The following IPPK variants were observed in gnomAD, a reference collection of about 807,000 sequenced individuals.
IPPK encodes the protein inositol-pentakisphosphate 2-kinase, also known as IPK1 homolog.
Under a neutral mutation model 64.6 loss-of-function variants are expected in IPPK, and 22 were observed. The observed-to-expected ratio is 0.34, with a 90% CI of 0.24 to 0.49. The LOEUF is 0.49. Among genes scored for constraint, IPPK ranks in the 20% least tolerant of loss-of-function variants. The probability of loss-of-function intolerance (pLI) is 0.99; values close to 1 mark genes in which losing one functional copy is unlikely to be tolerated. For missense variants in IPPK, 532 were observed against 630.7 expected, an observed-to-expected ratio of 0.84 and a Z score of 1.68; for synonymous variants, 262 against 247.2, an observed-to-expected ratio of 1.06 and a Z score of -0.56.
chr9:92,647,512 CA>C (rs1380356562), intron 6 of IPPK, among the ~76,000 whole-genome samples: 1 of 152,114 alleles, frequency 6.6e-6, no homozygotes, highest in Non-Finnish European at 1.5e-5. Context: ...AAAAAACTAG[CA>C]AACTGAATTC....
chr9:92,670,090 G>A lies in IPPK; in HGVS notation c.-102C>T, dbSNP rs1852699282. 2.6e-6 allele frequency: 2 copies of A among 755,380 alleles called. No homozygotes were observed. The highest frequency in any genetic ancestry group is 2.0e-5 in the South Asian group (1 of 49,730). The allele number at this position is 755,380 out of a possible 1,614,324, so 46.8% of individuals were successfully genotyped here. On this transcript the variant is annotated 5_prime_UTR_variant, in exon 1 of 13. Transcript: ENST00000287996. Reference sequence around the variant, plus strand: ...CAGCCGCTGCGGTCGGGGGAGGAGCGCCTGTCAGCTGCCGCCCCCGCTCGA... The same window carrying A: ...CAGCCGCTGCGGTCGGGGGAGGAGCACCTGTCAGCTGCCGCCCCCGCTCGA...
intron 5 of IPPK, 64 bp downstream of exon 5, chr9:92,649,389 T>C: frequency 6.2e-7 from 1 of 1,600,940 alleles, no homozygotes; most frequent in Non-Finnish European, 8.5e-7. Context: ...ACGTGACTCT[T>C]GGACTTACTA....
chr9:92,640,518 A>T (rs1852026308), intron 8 of IPPK, among the ~76,000 whole-genome samples, 192 bp downstream of exon 8: 1 of 152,150 alleles, frequency 6.6e-6, no homozygotes, highest in Non-Finnish European at 1.5e-5. Context: ...GTGCTCAGAA[A>T]AAGGTCAGGG....
rs892340981 is a variant in IPPK, at chr9:92,642,829, G to A, written c.505-19C>T. On this transcript the variant is annotated intron_variant, in intron 6 of 12. Coordinates refer to ENST00000287996, the MANE Select transcript of IPPK (RefSeq NM_022755.6). ...TTGCTACCTGTGAAAACACCAACAGGAGGGCATGAGGTGACTGGCGCTGGT... is the reference window on the plus strand; with the variant it reads ...TTGCTACCTGTGAAAACACCAACAGAAGGGCATGAGGTGACTGGCGCTGGT... The A allele has an allele frequency of 1.9e-6, 3 of 1,607,020 alleles. No homozygotes were observed. Among genetic ancestry groups the A allele is most frequent in the African/African-American group, 2.7e-5 (2 of 74,888 alleles).
chr9:92,669,416 G>A lies in IPPK; in HGVS notation c.81+492C>T, dbSNP rs548146807. Among the ~76,000 whole-genome samples, 5 of 152,326 alleles carry A rather than the reference G, an allele frequency of 3.3e-5. No homozygotes were observed. The South Asian group carries it at 1.0e-3, about 32-fold the overall frequency. On this transcript the variant is annotated intron_variant, in intron 1 of 12. Transcript: ENST00000287996. ...TTACTATTAACAGCACAGCAATTCC[G>A]TAGTCTCACGAGGCTGAACTCTTTT...
At chr9:92,638,384 G>A in intron 8 of IPPK, 104 bp from the exon 9 acceptor site, 8 of 1,342,980 alleles carry the variant, frequency 6.0e-6, no homozygotes, top group Admixed American at 4.1e-5. Flanking sequence ...GAAAGCCAAG[G>A]GCCCTGATGC....
Position 92,645,734 on chromosome 9 carries a change from T to C in IPPK, c.504+2325A>G, listed in dbSNP as rs142550801. ...CATATCCTCAGTGCTAAAAGAAAGA[T>C]TGCCATCCAAGAATTCTATATCTAC... On this transcript the variant is annotated intron_variant, in intron 6 of 12. Coordinates refer to ENST00000287996, the MANE Select transcript of IPPK (RefSeq NM_022755.6). Among the ~76,000 whole-genome samples, 549 of 152,140 alleles carry C rather than the reference T, an allele frequency of 3.6e-3. 5 individuals are homozygous for C. Among genetic ancestry groups the C allele is most frequent in the African/African-American group, 0.013 (532 of 41,526 alleles).
intron 11 of IPPK, among the ~76,000 whole-genome samples, chr9:92,628,937 T>G (rs1851782174): frequency 6.6e-6 from 1 of 151,626 alleles, no homozygotes; most frequent in Non-Finnish European, 1.5e-5. Context: ...CAAAAGAATA[T>G]TGTTGGAGCT....
chr9:92,641,098 G>A (rs1398357492), intron 7 of IPPK, among the ~76,000 whole-genome samples: 1 of 152,222 alleles, frequency 6.6e-6, no homozygotes, highest in Non-Finnish European at 1.5e-5. Context: ...CCCACCAGCT[G>A]CATCACAGCC....
intron 11 of IPPK, among the ~76,000 whole-genome samples, chr9:92,629,694 A>G (rs1029665681): frequency 6.8e-6 from 1 of 147,726 alleles, no homozygotes; most frequent in Non-Finnish European, 1.5e-5. Context: ...GGTGACAGAG[A>G]GAGATTCTAT....
At chr9:92,654,836 C>A (rs1852338984) in intron 3 of IPPK, among the ~76,000 whole-genome samples, 1 of 152,254 alleles carries the variant, frequency 6.6e-6, no homozygotes, top group South Asian at 2.1e-4. Flanking sequence ...ATGTCCCCAG[C>A]CTGAAAACTG....
At chr9:92,650,332 A>ACAAAAC (rs1455335271) in intron 4 of IPPK, among the ~76,000 whole-genome samples, 2 of 152,134 alleles carry the variant, frequency 1.3e-5, no homozygotes, top group African/African-American at 4.8e-5. Context: ...ATCTCAAAAA[A>ACAAAAC]AAAAACAAAA....
chr9:92,613,738 A>G lies in IPPK; in HGVS notation c.*2094T>C, dbSNP rs552536458. 6.4e-6 allele frequency: 1 copy of G among 156,366 alleles called. No individual in the cohort carries two copies. Among genetic ancestry groups the G allele is most frequent in the Admixed American group, 6.1e-5 (1 of 16,368 alleles). 9.7% of individuals were successfully genotyped at this position (156,366 alleles called of 1,614,324 possible). A position where few individuals can be genotyped will look rare whatever the true frequency, so the allele number is the denominator to read the frequency against. On this transcript the variant is annotated 3_prime_UTR_variant, in exon 13 of 13. Transcript: ENST00000287996. ...CTTAATAACAAGAATGGCCTAAGAC[A>G]GCAAAGACAGCACTGTTCCTGGGCT...
intron 11 of IPPK, among the ~76,000 whole-genome samples, chr9:92,626,886 A>G (rs1279516138): frequency 1.3e-5 from 2 of 151,814 alleles, no homozygotes; most frequent in Non-Finnish European, 1.5e-5. Flanking sequence ...AGCAAAAACC[A>G]GATGTTGTAT....
intron 9 of IPPK, 102 bp downstream of exon 9, chr9:92,637,899 G>A (rs1851971767): frequency 1.6e-6 from 2 of 1,276,960 alleles, no homozygotes; most frequent in East Asian, 2.6e-5. Context: ...ATCCCCCAGA[G>A]CCCCCAGGAG....
At chr9:92,619,845 T>C in intron 11 of IPPK, 1 of 476,694 alleles carries the variant, frequency 2.1e-6, no homozygotes, top group Non-Finnish European at 3.9e-6. Context: ...CTGAGACGGA[T>C]GATCTGTCTT....
intron 3 of IPPK, 55 bp from the exon 4 acceptor site, chr9:92,652,694 A>C (rs1489724394): frequency 1.1e-6 from 1 of 937,954 alleles, no homozygotes; most frequent in Non-Finnish European, 1.7e-6. Context: ...CATGAACACA[A>C]TGCCACAGAA....
chr9:92,659,125 T>C (rs1480006203), intron 1 of IPPK, among the ~76,000 whole-genome samples: 2 of 152,196 alleles, frequency 1.3e-5, no homozygotes, highest in Non-Finnish European at 2.9e-5. Context: ...AATGAGCCTA[T>C]TTTCATAAAA....
chr9:92,638,023 G>T lies in IPPK; in HGVS notation c.894C>A (p.Phe298Leu). ...QGPRVCEASP[F>L]SRSLRCQGKN... ...TACCTTGGCAGCGAAGGCTCCTACT[G>T]AAAGGGCTGGCTTCGCAGACTCGCG... Residue 298 changes from phenylalanine (F) to leucine (L), a missense_variant, in exon 9 of 13, where the codon TTC becomes TTA. Physicochemically the swap from Phe to Leu is conservative, Grantham distance 22. Coordinates refer to ENST00000287996, the MANE Select transcript of IPPK (RefSeq NM_022755.6). 6.3e-7 allele frequency: 1 copy of T among 1,590,926 alleles called. No individual in the cohort carries two copies. The highest frequency in any genetic ancestry group is 8.6e-7 in the Non-Finnish European group (1 of 1,168,206).
Sources: gnomAD v4.1 joint callset for allele counts (sites outside exome capture counted in the v4.1 genomes callset) on GRCh38, gnomAD v4.1.1 for gene constraint, MANE v1.5 for transcripts, NCBI Gene and HGNC (gene_info 2026-07-23, HGNC 2026-07-21) for gene names.